C18orf63: variants seen among roughly 807,000 people sequenced by gnomAD.
C18orf63 encodes the protein chromosome 18 open reading frame 63.
A neutral mutation model predicts 75.3 loss-of-function variants in C18orf63; 50 were observed. The observed-to-expected ratio is 0.66, with a 90% CI of 0.53 to 0.84. The LOEUF is 0.84. Ranked by LOEUF, C18orf63 falls within the 40% of genes least tolerant of loss-of-function variation. The probability of loss-of-function intolerance (pLI) is 0.00; values close to 1 mark genes in which losing one functional copy is unlikely to be tolerated. For missense variants in C18orf63, 732 were observed against 800.2 expected (o/e 0.91, Z 1.03); for synonymous variants, 232 against 267.6 (o/e 0.87, Z 1.30).
rs1338234420 is a variant in C18orf63, at chr18:74,356,619, T to G, written c.*172T>G. On this transcript the variant is annotated 3_prime_UTR_variant, in exon 14 of 14. Coordinates refer to ENST00000579455, the MANE Select transcript of C18orf63 (RefSeq NM_001174123.2). ...TCTTTTTATTGTTTGCATAGCATCT[T>G]GTTGTATGTGGGTTTCTGTATTTAA... The G allele has an allele frequency of 2.0e-5, 3 of 152,534 alleles. No individual in the cohort carries two copies. The highest frequency in any genetic ancestry group is 3.9e-4 in the East Asian group (2 of 5,188). The allele number at this position is 152,534 out of a possible 1,614,324, so 9.4% of individuals were successfully genotyped here.
At position 74,346,802 on chromosome 18, in the gene C18orf63, A is replaced by T. The variant is rs73970147; in HGVS notation, c.978+3100A>T. Reference sequence around the variant, plus strand: ...TTTTATATTGTTCCTTACAATAAGAATTTATCCTACTCAATTCTATTGAGT... The same window carrying T: ...TTTTATATTGTTCCTTACAATAAGATTTTATCCTACTCAATTCTATTGAGT... On this transcript the variant is annotated intron_variant, in intron 11 of 13. Coordinates refer to ENST00000579455, the MANE Select transcript of C18orf63 (RefSeq NM_001174123.2). 7.2e-5 allele frequency among the ~76,000 whole-genome samples: 11 copies of T among 152,268 alleles called. No individual in the cohort carries two copies. The East Asian group carries it at 2.1e-3, about 29-fold the overall frequency.
rs546738805 is a variant in C18orf63 at position 74,321,771 on chromosome 18, G to C, written c.214-927G>C. ...ATGTGAATTTAAGCAAGGGCGATAAGAGGAAAGTAGCTATCTGTTTTTAAA... is the reference window on the plus strand; with the variant it reads ...ATGTGAATTTAAGCAAGGGCGATAACAGGAAAGTAGCTATCTGTTTTTAAA... On this transcript the variant is annotated intron_variant, in intron 3 of 13. Coordinates refer to ENST00000579455, the MANE Select transcript of C18orf63 (RefSeq NM_001174123.2). Among the ~76,000 whole-genome samples the C allele has an allele frequency of 1.7e-3, 251 of 151,996 alleles. 1 individual carries two copies. Among genetic ancestry groups the C allele is most frequent in the African/African-American group, 5.9e-3 (243 of 41,450 alleles).
chr18:74,337,291 G>A (rs1199686332), intron 7 of C18orf63, among the ~76,000 whole-genome samples: 1 of 152,120 alleles, frequency 6.6e-6, no homozygotes, highest in East Asian at 1.9e-4. Flanking sequence ...TGGAGTATAT[G>A]GTGAACAGCT....
rs994584586 is a variant in C18orf63, at chr18:74,356,509, A to C, written c.*62A>C. 6.6e-6 allele frequency: 1 copy of C among 152,460 alleles called. No individual in the cohort carries two copies. The highest frequency in any genetic ancestry group is 2.4e-5 in the African/African-American group (1 of 41,380). The allele number at this position is 152,460 out of a possible 1,614,324, so 9.4% of individuals were successfully genotyped here. A position where few individuals can be genotyped will look rare whatever the true frequency, so the allele number is the denominator to read the frequency against. ...TGAGCATTCTGAATATAGGATGAAC[A>C]CTCTTCCAGATGCCTCTCACACTCC... On this transcript the variant is annotated 3_prime_UTR_variant, in exon 14 of 14. Coordinates refer to ENST00000579455, the MANE Select transcript of C18orf63 (RefSeq NM_001174123.2).
At chr18:74,318,604 C>A (rs1270441267) in intron 2 of C18orf63, among the ~76,000 whole-genome samples, 9 of 152,060 alleles carry the variant, frequency 5.9e-5, no homozygotes, top group African/African-American at 1.9e-4. Flanking sequence ...GCCTGGCCAA[C>A]ATGGTGAAAC....
At chr18:74,325,004 A>T (rs1984185223) in intron 4 of C18orf63, among the ~76,000 whole-genome samples, 1 of 152,174 alleles carries the variant, frequency 6.6e-6, no homozygotes, top group Non-Finnish European at 1.5e-5. Context: ...TAATCAGCAG[A>T]TATTTATTGA....
chr18:74,328,939 C>A, intron 5 of C18orf63, 56 bp from the exon 6 acceptor site: 1 of 942,588 alleles, frequency 1.1e-6, no homozygotes, highest in Non-Finnish European at 1.6e-6. Flanking sequence ...TTATAAATAT[C>A]AAGCATGATT....
At chr18:74,343,394 TAA>T in intron 10 of C18orf63, 123 bp from the exon 11 acceptor site, 1 of 557,754 alleles carries the variant, frequency 1.8e-6, no homozygotes, top group Non-Finnish European at 3.1e-6. Flanking sequence ...ATAAGCAATA[TAA>T]AAGAGTTAAG....
At chr18:74,325,651 C>A (rs1467355078) in intron 4 of C18orf63, among the ~76,000 whole-genome samples, 1 of 152,210 alleles carries the variant, frequency 6.6e-6, no homozygotes, top group Non-Finnish European at 1.5e-5. Context: ...ATGAATTTCT[C>A]TGTTTCTCCT....
chr18:74,343,676 C>T lies in C18orf63; in HGVS notation c.952C>T (p.Gln318Ter). Reference protein sequence around the residue: ...KMTSKPCYYTQELTKPNIQEH... With the variant: ...KMTSKPCYYT ...GACAAGTAAACCATGCTACTACACACAAGAACTAACTAAACCTAATATACA... is the reference window on the plus strand; with the variant it reads ...GACAAGTAAACCATGCTACTACACATAAGAACTAACTAAACCTAATATACA... Residue 318 changes from glutamine to a stop codon, truncating the protein, a stop_gained, in exon 11 of 14, where the codon CAA becomes TAA. Transcript: ENST00000579455. LOFTEE classifies it high-confidence loss of function. 2 of 1,528,838 alleles carry T rather than the reference C, an allele frequency of 1.3e-6. No homozygotes were observed. Among genetic ancestry groups the T allele is most frequent in the South Asian group, 1.2e-5 (1 of 82,798 alleles). 94.7% of individuals were successfully genotyped at this position (1,528,838 alleles called of 1,614,324 possible).
chr18:74,332,174 C>A (rs1477282343), intron 7 of C18orf63, among the ~76,000 whole-genome samples: 3 of 152,106 alleles, frequency 2.0e-5, no homozygotes, highest in Non-Finnish European at 4.4e-5. Flanking sequence ...GTTATAGAGG[C>A]CATGTCTGGT....
chr18:74,342,482 T>C (rs1348836855), intron 10 of C18orf63, among the ~76,000 whole-genome samples, 156 bp downstream of exon 10: 1 of 152,202 alleles, frequency 6.6e-6, no homozygotes, highest in Non-Finnish European at 1.5e-5. Context: ...CAAGTGTTTC[T>C]GGTTTGCTTA....
At chr18:74,340,882 T>C (rs1303925549) in intron 8 of C18orf63, among the ~76,000 whole-genome samples, 2 of 151,824 alleles carry the variant, frequency 1.3e-5, no homozygotes, top group African/African-American at 4.8e-5. Flanking sequence ...TGGGGAGATG[T>C]TGGTGAAAGG....
chr18:74,352,884 G>GATT (rs1180629841), intron 11 of C18orf63, among the ~76,000 whole-genome samples: 17 of 152,194 alleles, frequency 1.1e-4, no homozygotes, highest in Non-Finnish European at 2.4e-4. Context: ...GGTGGGAGAA[G>GATT]GTGGGACTTT....
At chr18:74,316,431 T>G (rs1200681189) in intron 1 of C18orf63, among the ~76,000 whole-genome samples, 2 of 151,994 alleles carry the variant, frequency 1.3e-5, no homozygotes, top group African/African-American at 4.8e-5. Flanking sequence ...GCAAGCCGGG[T>G]CTGGGGCCGC....
intron 4 of C18orf63, among the ~76,000 whole-genome samples, chr18:74,324,198 C>T (rs1984170402): frequency 6.6e-6 from 1 of 152,176 alleles, no homozygotes; most frequent in African/African-American, 2.4e-5. Context: ...TTGTTTTGAA[C>T]CGTGTGGTAG....
chr18:74,356,571 A>C lies in C18orf63; in HGVS notation c.*124A>C, dbSNP rs550938692. ...AATCAGCTCTACTTACTGCTGTGGA[A>C]CCTCCTTTTTCACTTGACAGTTTCT... On this transcript the variant is annotated 3_prime_UTR_variant, in exon 14 of 14. Transcript: ENST00000579455. The C allele has an allele frequency of 6.6e-6, 1 of 152,454 alleles. No homozygotes were observed. Among genetic ancestry groups the C allele is most frequent in the Non-Finnish European group, 1.5e-5 (1 of 67,954 alleles). 9.4% of individuals were successfully genotyped at this position (152,454 alleles called of 1,614,324 possible). A position where few individuals can be genotyped will look rare whatever the true frequency, so the allele number is the denominator to read the frequency against.
In C18orf63 at chr18:74,354,536, A is replaced by C; in HGVS notation, c.*23A>C. On this transcript the variant is annotated 3_prime_UTR_variant, in exon 13 of 14. Coordinates refer to ENST00000579455, the MANE Select transcript of C18orf63 (RefSeq NM_001174123.2). ...TAGAACATGGACCTGAAAGAAGGAA[A>C]TGTCTACCAGGTAACTGAAGTGATA... 1.5e-6 allele frequency: 2 copies of C among 1,350,102 alleles called. No individual in the cohort carries two copies. Among genetic ancestry groups the C allele is most frequent in the Non-Finnish European group, 2.0e-6 (2 of 990,420 alleles). 83.6% of individuals were successfully genotyped at this position (1,350,102 alleles called of 1,614,324 possible). A position where few individuals can be genotyped will look rare whatever the true frequency, so the allele number is the denominator to read the frequency against.
At chr18:74,316,918 G>A (rs1454356507) in intron 1 of C18orf63, among the ~76,000 whole-genome samples, 1 of 152,212 alleles carries the variant, frequency 6.6e-6, no homozygotes, top group Non-Finnish European at 1.5e-5. Context: ...CAATCCGTGA[G>A]TATTTGAAGA....
Sources: allele counts gnomAD v4.1 joint callset (sites outside exome capture counted in the v4.1 genomes callset), GRCh38; gene constraint gnomAD v4.1.1; transcripts MANE v1.5; gene names NCBI Gene and HGNC (gene_info 2026-07-23, HGNC 2026-07-21).